ELMO1: variants seen among roughly 807,000 people sequenced by gnomAD.
The protein encoded by ELMO1 is engulfment and cell motility protein 1.
A neutral mutation model predicts 98.9 loss-of-function variants in ELMO1; 26 were observed. The observed-to-expected ratio is 0.26, with a 90% CI of 0.19 to 0.36. The LOEUF (loss-of-function observed/expected upper bound fraction) is 0.36. ELMO1 is among the 10% of genes least tolerant of loss of function. ELMO1 has a pLI of 1.00. For missense variants in ELMO1, 627 were observed against 935.2 expected (o/e 0.67, Z 4.30); for synonymous variants, 346 against 346.0 (o/e 1.00, Z 0.00).
chr7:37,385,864 T>C (rs879727108), intron 1 of ELMO1, among the ~76,000 whole-genome samples: 35 of 152,118 alleles, frequency 2.3e-4, no homozygotes, highest in African/African-American at 5.3e-4. Flanking sequence ...CTGGAGAACA[T>C]GGGAAACTAC....
intron 16 of ELMO1, among the ~76,000 whole-genome samples, chr7:37,005,239 A>C (rs1792987589): frequency 6.6e-6 from 1 of 152,084 alleles, no homozygotes; most frequent in African/African-American, 2.4e-5. Context: ...CCAGGGCTGT[A>C]AATTCAGCGG....
At chr7:37,148,962 G>T (rs553998326) in intron 13 of ELMO1, among the ~76,000 whole-genome samples, 1 of 152,330 alleles carries the variant, frequency 6.6e-6, no homozygotes, top group East Asian at 1.9e-4. Context: ...CACAGCACAT[G>T]TGCAAACATC....
intron 8 of ELMO1, among the ~76,000 whole-genome samples, chr7:37,232,102 G>A (rs577105349): frequency 2.6e-5 from 4 of 152,126 alleles, no homozygotes; most frequent in South Asian, 2.1e-4. Context: ...ATCCACCTGC[G>A]CTGGCCTCCC....
rs1484554445 is a variant in ELMO1 at position 36,894,864 on chromosome 7, G to A, written c.1591C>T (p.Arg531Cys). The change falls in exon 17 of 22, where the codon CGC (arginine) becomes TGC (cysteine). Residue 531 changes from arginine to cysteine, a missense_variant. By Grantham distance (180) the Arg-to-Cys change is radical (BLOSUM62 -3). Transcript: ENST00000310758. ...ERMNQEDFQSRPILELKEKIQ... is the reference protein window; with the variant it reads ...ERMNQEDFQSCPILELKEKIQ... ...TACTAGGTAACTTACAAAATCGGGCGGGACTGGAAATCTTCCTGGTTCATC... is the reference window on the plus strand; with the variant it reads ...TACTAGGTAACTTACAAAATCGGGCAGGACTGGAAATCTTCCTGGTTCATC... 6.2e-6 allele frequency: 10 copies of A among 1,614,120 alleles called. No individual in the cohort carries two copies. Among genetic ancestry groups the A allele is most frequent in the East Asian group, 2.2e-5 (1 of 44,864 alleles).
intron 11 of ELMO1, among the ~76,000 whole-genome samples, chr7:37,213,906 G>T (rs974619141): frequency 7.9e-5 from 12 of 152,218 alleles, no homozygotes; most frequent in African/African-American, 2.9e-4. Flanking sequence ...CTTCAAAATG[G>T]GGAAAAGTTT....
intron 2 of ELMO1, among the ~76,000 whole-genome samples, chr7:37,321,716 CAAA>C (rs565421716): frequency 1.7e-4 from 11 of 66,104 alleles, no homozygotes; most frequent in South Asian, 5.5e-4. Context: ...GACTCCGTCT[CAAA>C]AAAAAAAAAA....
At chr7:36,996,057 T>G (rs1021251218) in intron 16 of ELMO1, among the ~76,000 whole-genome samples, 1 of 152,176 alleles carries the variant, frequency 6.6e-6, no homozygotes, top group Non-Finnish European at 1.5e-5. Flanking sequence ...CATTCCAGCA[T>G]GAAAAATCAA....
chr7:37,222,692 A>T lies in ELMO1; in HGVS notation c.703T>A (p.Ser235Thr). 1 of 1,613,552 alleles carries T rather than the reference A, an allele frequency of 6.2e-7. No homozygotes were observed. Among genetic ancestry groups the T allele is most frequent in the Non-Finnish European group, 8.5e-7 (1 of 1,179,610 alleles). The change falls in exon 10 of 22, where the codon TCA becomes ACA. Residue 235 changes from serine (S) to threonine (T), a missense_variant and splice_region_variant. Ser to Thr is a moderately conservative substitution (Grantham distance 58). Around this residue, in one of 3 missense-constraint regions of ELMO1, gnomAD observed 492 missense variants for 715.6 expected, o/e 0.69. Transcript: ENST00000310758. The part of the protein sequence containing the change: ...IGQLIPHLQG[S>T]DQEIQTYTIA... ...GTATAGGTTTGGATTTCTTGATCTG[A>T]CCTGTAAAGATAGAGAACAATTCAG...
chr7:37,091,171 A>C (rs1281363214), intron 15 of ELMO1, among the ~76,000 whole-genome samples: 2 of 152,128 alleles, frequency 1.3e-5, no homozygotes, highest in East Asian at 3.9e-4. Flanking sequence ...ACAATGGGGC[A>C]ATATCGACTC....
chr7:36,887,676 T>G lies in ELMO1; in HGVS notation c.1602-4A>C, dbSNP rs1394567065. ...CTGAATCTTCTCCTTTAGTTCCCTGTTAGAGGAAAAACACATATTCCACAG... is the reference window on the plus strand; with the variant it reads ...CTGAATCTTCTCCTTTAGTTCCCTGGTAGAGGAAAAACACATATTCCACAG... On this transcript the variant is annotated splice_region_variant and splice_polypyrimidine_tract_variant and intron_variant, in intron 17 of 21. Coordinates refer to ENST00000310758, the MANE Select transcript of ELMO1 (RefSeq NM_014800.11). The G allele has an allele frequency of 6.2e-7, 1 of 1,613,652 alleles. No homozygotes were observed. Among genetic ancestry groups the G allele is most frequent in the East Asian group, 2.2e-5 (1 of 44,846 alleles).
chr7:37,432,746 G>T (rs1409527883), intron 1 of ELMO1, among the ~76,000 whole-genome samples: 1 of 152,246 alleles, frequency 6.6e-6, no homozygotes, highest in Non-Finnish European at 1.5e-5. Flanking sequence ...GCACTGGGGA[G>T]GGAGGGAGGA....
chr7:37,219,955 C>T (rs1010164580), intron 10 of ELMO1, among the ~76,000 whole-genome samples: 18 of 152,204 alleles, frequency 1.2e-4, no homozygotes, highest in African/African-American at 3.9e-4. Context: ...TCAGAACATA[C>T]GCCAATAACA....
At chr7:37,376,633 G>T (rs1429557989) in intron 1 of ELMO1, among the ~76,000 whole-genome samples, 1 of 152,024 alleles carries the variant, frequency 6.6e-6, no homozygotes, top group Non-Finnish European at 1.5e-5. Context: ...CGACACTCCT[G>T]TGAGTTCATC....
At chr7:37,282,975 A>C (rs1359740143) in intron 4 of ELMO1, among the ~76,000 whole-genome samples, 1 of 152,232 alleles carries the variant, frequency 6.6e-6, no homozygotes, top group Non-Finnish European at 1.5e-5. Context: ...GTATTAAGAG[A>C]TATCTATTAA....
At chr7:37,012,956 G>A (rs372625416) in intron 16 of ELMO1, among the ~76,000 whole-genome samples, 26 of 152,246 alleles carry the variant, frequency 1.7e-4, no homozygotes, top group East Asian at 3.9e-4. Flanking sequence ...CCCCTTCCCC[G>A]ACAGATCTTG....
chr7:37,030,278 AT>A (rs1794807615), intron 15 of ELMO1, among the ~76,000 whole-genome samples: 1 of 152,150 alleles, frequency 6.6e-6, no homozygotes, highest in East Asian at 1.9e-4. Flanking sequence ...ACTCTCAGGC[AT>A]TTTTGTTCCT....
At chr7:37,218,100 T>C (rs1025510225) in intron 10 of ELMO1, among the ~76,000 whole-genome samples, 8 of 152,218 alleles carry the variant, frequency 5.3e-5, no homozygotes, top group Non-Finnish European at 1.2e-4. Flanking sequence ...TGGTGGTTTT[T>C]TTGTTTCTCC....
At chr7:37,092,598 A>C (rs1233260664) in intron 15 of ELMO1, among the ~76,000 whole-genome samples, 1 of 151,870 alleles carries the variant, frequency 6.6e-6, no homozygotes, top group Non-Finnish European at 1.5e-5. Context: ...GACGGTCTTG[A>C]TCTCCTGACC....
chr7:37,271,958 C>G lies in ELMO1; in HGVS notation c.193-76G>C, dbSNP rs1253366247. The stretch of plus-strand genomic sequence containing the variant: ...AGAAGAGAACAAAGGCAAATATAAT[C>G]TAGCAGATATAACAGGCATTCAGTT... On this transcript the variant is annotated intron_variant, in intron 4 of 21. Transcript: ENST00000310758. 3.1e-6 allele frequency: 4 copies of G among 1,274,850 alleles called. No homozygotes were observed. The African/African-American group carries it at 4.4e-5, about 14-fold the overall frequency. The allele number at this position is 1,274,850 out of a possible 1,614,324, so 79.0% of individuals were successfully genotyped here.
Sources: allele counts gnomAD v4.1 joint callset (sites outside exome capture counted in the v4.1 genomes callset), GRCh38; gene constraint gnomAD v4.1.1; regional missense constraint gnomAD v4.1.1; transcripts MANE v1.5; gene names NCBI Gene and HGNC (gene_info 2026-07-23, HGNC 2026-07-21).